Variants in NRXN3 observed in about 807,000 individuals in gnomAD.
The protein encoded by NRXN3 is neurexin 3.
NRXN3 carries 32 observed loss-of-function variants against 137.6 expected under a neutral mutation model. The ratio of observed to expected loss-of-function variants is 0.23; its 90% CI spans 0.18 to 0.31. The LOEUF is 0.31. Among genes scored for constraint, NRXN3 ranks in the 10% least tolerant of loss-of-function variants. The probability of loss-of-function intolerance (pLI) is 1.00; values close to 1 mark genes in which losing one functional copy is unlikely to be tolerated. For missense variants in NRXN3, 1,574 were observed against 2,062.5 expected (o/e 0.76, Z 4.59); for synonymous variants, 798 against 784.5 (o/e 1.02, Z -0.29).
At chr14:79,782,837 C>T (rs2099118056) in intron 19 of NRXN3, among the ~76,000 whole-genome samples, 1 of 152,030 alleles carries the variant, frequency 6.6e-6, no homozygotes. Flanking sequence ...AGTTTTATTC[C>T]CCCCTACATT....
intron 10 of NRXN3, among the ~76,000 whole-genome samples, chr14:78,926,717 A>G (rs1303896818): frequency 2.4e-5 from 2 of 83,888 alleles, no homozygotes; most frequent in Non-Finnish European, 4.3e-5. Context: ...TATATATTAT[A>G]TAATTATATA....
At chr14:79,190,318 T>C (rs986124613) in intron 15 of NRXN3, among the ~76,000 whole-genome samples, 6 of 152,138 alleles carry the variant, frequency 3.9e-5, no homozygotes, top group African/African-American at 1.4e-4. Context: ...CTTTCTTCCC[T>C]CTCTGTATCT....
chr14:78,930,509 G>C (rs1308895370), intron 10 of NRXN3, among the ~76,000 whole-genome samples: 1 of 152,190 alleles, frequency 6.6e-6, no homozygotes, highest in South Asian at 2.1e-4. Flanking sequence ...CAAGTCTGGT[G>C]GGAGAGATAG....
At chr14:78,302,744 C>G (rs1422168071) in intron 4 of NRXN3, among the ~76,000 whole-genome samples, 1 of 152,226 alleles carries the variant, frequency 6.6e-6, no homozygotes, top group Non-Finnish European at 1.5e-5. Flanking sequence ...TTCCCACCTG[C>G]CTTATCACCG....
At chr14:78,305,267 A>C (rs1287909754) in intron 4 of NRXN3, among the ~76,000 whole-genome samples, 1 of 152,102 alleles carries the variant, frequency 6.6e-6, no homozygotes, top group Non-Finnish European at 1.5e-5. Flanking sequence ...TGACATCTTT[A>C]ATAACGATCA....
intron 15 of NRXN3, among the ~76,000 whole-genome samples, chr14:79,000,519 T>C (rs1423305103): frequency 6.6e-6 from 1 of 152,194 alleles, no homozygotes; most frequent in Non-Finnish European, 1.5e-5. Context: ...ATTCTCGATA[T>C]TTGGGGTATG....
At chr14:79,114,611 G>C (rs1171362847) in intron 15 of NRXN3, among the ~76,000 whole-genome samples, 2 of 152,110 alleles carry the variant, frequency 1.3e-5, no homozygotes, top group African/African-American at 2.4e-5. Context: ...TAGGCTTCTG[G>C]TTTTGAAAGT....
intron 8 of NRXN3, among the ~76,000 whole-genome samples, chr14:78,795,686 T>G (rs1054356345): frequency 6.6e-6 from 1 of 152,164 alleles, no homozygotes; most frequent in Non-Finnish European, 1.5e-5. Flanking sequence ...TGAAATATTT[T>G]TAATAGCCAA....
At chr14:79,822,825 A>G (rs1036914899) in intron 20 of NRXN3, among the ~76,000 whole-genome samples, 34 of 152,190 alleles carry the variant, frequency 2.2e-4, no homozygotes, top group African/African-American at 7.9e-4. Context: ...ACAAACAAAC[A>G]AACAAACAAA....
At chr14:79,087,294 G>T (rs907202616) in intron 15 of NRXN3, among the ~76,000 whole-genome samples, 1 of 152,124 alleles carries the variant, frequency 6.6e-6, no homozygotes, top group South Asian at 2.1e-4. Context: ...TCCCCTGTAT[G>T]CAAGGCCCCA....
chr14:79,349,969 T>C (rs1283795880), intron 15 of NRXN3, among the ~76,000 whole-genome samples: 2 of 152,196 alleles, frequency 1.3e-5, no homozygotes, highest in Non-Finnish European at 2.9e-5. Flanking sequence ...GTTTCTGTTG[T>C]TTAAACCATA....
At chr14:79,498,080 T>G (rs17109299) in intron 16 of NRXN3, among the ~76,000 whole-genome samples, 22,563 of 151,952 alleles carry the variant, frequency 0.15, 4,189 homozygotes, top group African/African-American at 0.42. Context: ...AAGAACATAT[T>G]CCAAAGTGTT....
intron 4 of NRXN3, among the ~76,000 whole-genome samples, chr14:78,535,077 G>A (rs1239225750): frequency 6.6e-6 from 1 of 150,616 alleles, no homozygotes; most frequent in Non-Finnish European, 1.5e-5. Flanking sequence ...GAGCAAATTA[G>A]AGCAATAATA....
chr14:79,145,881 A>T (rs924286490), intron 15 of NRXN3, among the ~76,000 whole-genome samples: 2 of 152,190 alleles, frequency 1.3e-5, no homozygotes, highest in Non-Finnish European at 2.9e-5. Context: ...TAATACCTTC[A>T]TGGTTCTAGT....
chr14:78,336,753 C>A (rs1358859935), intron 4 of NRXN3, among the ~76,000 whole-genome samples: 2 of 152,100 alleles, frequency 1.3e-5, no homozygotes, highest in Non-Finnish European at 2.9e-5. Context: ...GGGTCAGTAT[C>A]CACATATGAC....
chr14:79,332,826 A>G (rs1188833555), intron 15 of NRXN3, among the ~76,000 whole-genome samples: 1 of 152,204 alleles, frequency 6.6e-6, no homozygotes, highest in Non-Finnish European at 1.5e-5. Flanking sequence ...TACATGCACT[A>G]CACATTTGTT....
At chr14:79,738,844 C>T (rs1420295113) in intron 19 of NRXN3, among the ~76,000 whole-genome samples, 3 of 152,274 alleles carry the variant, frequency 2.0e-5, no homozygotes, top group Non-Finnish European at 2.9e-5. Flanking sequence ...CAGACATGAG[C>T]CACTGCGCCC....
At chr14:78,636,679 C>T (rs762138809) in intron 4 of NRXN3, among the ~76,000 whole-genome samples, 10 of 151,836 alleles carry the variant, frequency 6.6e-5, no homozygotes, top group Non-Finnish European at 1.2e-4. Flanking sequence ...AAATGAGAAA[C>T]GAATACTGAA....
chr14:78,721,266 T>C lies in NRXN3; in HGVS notation c.2044+6127T>C, dbSNP rs191630376. On this transcript the variant is annotated intron_variant, in intron 8 of 20. Transcript: ENST00000335750. ...TGGTGGTTGCTTTCACTGGTCTCAGTGCTATTGAGGAGGGGAATCTGCGTT... is the reference window on the plus strand; with the variant it reads ...TGGTGGTTGCTTTCACTGGTCTCAGCGCTATTGAGGAGGGGAATCTGCGTT... Among the ~76,000 whole-genome samples, 118 of 152,292 alleles carry C rather than the reference T, an allele frequency of 7.7e-4. 1 individual carries two copies. In the East Asian group the frequency reaches 0.021, roughly 27 times the overall value.
Sources: gnomAD v4.1 joint callset for allele counts (sites outside exome capture counted in the v4.1 genomes callset) on GRCh38, gnomAD v4.1.1 for gene constraint, MANE v1.5 for transcripts, NCBI Gene and HGNC (gene_info 2026-07-23, HGNC 2026-07-21) for gene names.